Variants in UBP1 observed in about 807,000 individuals in gnomAD.
UBP1 encodes upstream binding protein 1.
A neutral mutation model predicts 76.1 loss-of-function variants in UBP1; 22 were observed. The ratio of observed to expected loss-of-function variants is 0.29; its 90% CI spans 0.21 to 0.41. UBP1 has a LOEUF of 0.41. Among genes scored for constraint, UBP1 ranks in the 10% least tolerant of loss-of-function variants. UBP1 has a pLI of 1.00. For synonymous variants in UBP1, 224 were observed against 237.1 expected, an observed-to-expected ratio of 0.94 and a Z score of 0.51; for missense variants, 436 against 668.1, an observed-to-expected ratio of 0.65 and a Z score of 3.83.
At chr3:33,403,034 T>C (rs1241436944) in intron 8 of UBP1, 130 bp from the exon 9 acceptor site, 3 of 794,812 alleles carry the variant, frequency 3.8e-6, no homozygotes, top group East Asian at 5.7e-5. Context: ...TCAAGCAACC[T>C]CACAGACACA....
intron 11 of UBP1, among the ~76,000 whole-genome samples, chr3:33,399,933 C>T (rs561441476): frequency 2.6e-5 from 4 of 152,076 alleles, no homozygotes; most frequent in Non-Finnish European, 2.9e-5. Context: ...ACTATATACA[C>T]CTACACACAA....
chr3:33,412,926 C>T, intron 3 of UBP1, 99 bp from the exon 4 acceptor site: 1 of 749,922 alleles, frequency 1.3e-6, no homozygotes, highest in Non-Finnish European at 2.4e-6. Context: ...CAGTAGAACA[C>T]ATACAACTAG....
rs750484076 is a variant in UBP1 at position 33,401,028 on chromosome 3, GGAGA to G, written c.1032-16_1032-13del. ...GGGAAGAAGAATTGCTGGGGAGAAA[GGAGA>G]AAGAAGGAAATGATGATTTTTATAA... On this transcript the variant is annotated splice_polypyrimidine_tract_variant and intron_variant, in intron 9 of 15. Coordinates refer to ENST00000283629, the MANE Select transcript of UBP1 (RefSeq NM_014517.5). 6.3e-7 allele frequency: 1 copy of G among 1,581,866 alleles called. No individual in the cohort carries two copies. The highest frequency in any genetic ancestry group is 8.6e-7 in the Non-Finnish European group (1 of 1,167,718).
At chr3:33,410,182 A>G (rs1030248725) in intron 5 of UBP1, among the ~76,000 whole-genome samples, 2 of 152,244 alleles carry the variant, frequency 1.3e-5, no homozygotes, top group African/African-American at 4.8e-5. Context: ...TTCAGGATCC[A>G]GAGGGCAATA....
At chr3:33,396,666 A>T (rs543936802) in intron 12 of UBP1, 131 of 412,352 alleles carry the variant, frequency 3.2e-4, no homozygotes, top group African/African-American at 2.3e-3. Context: ...TGTCATTTTA[A>T]TTCACAATTA....
At chr3:33,418,493 G>A (rs1218387667) in intron 2 of UBP1, among the ~76,000 whole-genome samples, 2 of 151,778 alleles carry the variant, frequency 1.3e-5, no homozygotes, top group Non-Finnish European at 2.9e-5. Flanking sequence ...TCCTGACCTC[G>A]GGTGATTCAC....
chr3:33,423,548 G>C (rs1395213825), intron 2 of UBP1, among the ~76,000 whole-genome samples: 1 of 152,174 alleles, frequency 6.6e-6, no homozygotes, highest in Non-Finnish European at 1.5e-5. Flanking sequence ...ATATTCAAGT[G>C]AGGTATCACC....
chr3:33,427,794 G>A (rs1329640633), intron 1 of UBP1, among the ~76,000 whole-genome samples: 2 of 152,182 alleles, frequency 1.3e-5, no homozygotes, highest in South Asian at 2.1e-4. Context: ...AGGATCACAC[G>A]GTTAGCAATG....
chr3:33,405,982 T>C (rs570722317), intron 8 of UBP1, among the ~76,000 whole-genome samples: 98 of 152,340 alleles, frequency 6.4e-4, no homozygotes, highest in Non-Finnish European at 1.2e-3. Flanking sequence ...GATTGCAGAC[T>C]TATTACTTCT....
intron 11 of UBP1, among the ~76,000 whole-genome samples, chr3:33,398,788 C>T (rs1192818335): frequency 6.6e-6 from 1 of 152,230 alleles, no homozygotes; most frequent in Non-Finnish European, 1.5e-5. Flanking sequence ...CCTTCAGTTC[C>T]AAATGTCGGC....
chr3:33,418,611 C>A (rs1222801562), intron 2 of UBP1, among the ~76,000 whole-genome samples: 1 of 151,792 alleles, frequency 6.6e-6, no homozygotes, highest in Non-Finnish European at 1.5e-5. Context: ...GTAATCCCAG[C>A]ACTTTGGGAG....
At chr3:33,434,682 C>CTTTTTT (rs10709462) in intron 1 of UBP1, among the ~76,000 whole-genome samples, 22 of 87,718 alleles carry the variant, frequency 2.5e-4, no homozygotes, top group Non-Finnish European at 3.4e-4. Context: ...AATGGTTTTA[C>CTTTTTT]TTTTTTTTTT....
intron 1 of UBP1, among the ~76,000 whole-genome samples, chr3:33,430,699 A>C (rs978635378): frequency 1.0e-4 from 15 of 150,236 alleles, no homozygotes; most frequent in African/African-American, 3.6e-4. Flanking sequence ...CGGAAAATTG[A>C]AAGAGCGGGA....
rs2045271161 is a variant in UBP1, at chr3:33,440,216, C to CG, written c.-369dup. The stretch of plus-strand genomic sequence containing the variant: ...CCGGGACCGCTGGGAGGCTGGACCT[C>CG]GGGCCGCTCCGAGGACCACACGGGG... On this transcript the variant is annotated 5_prime_UTR_variant, in exon 1 of 16. Coordinates refer to ENST00000283629, the MANE Select transcript of UBP1 (RefSeq NM_014517.5). The CG allele has an allele frequency of 6.4e-6, 1 of 156,204 alleles. No individual in the cohort carries two copies. Among genetic ancestry groups the CG allele is most frequent in the South Asian group, 1.8e-4 (1 of 5,600 alleles). The allele number at this position is 156,204 out of a possible 1,614,324, so 9.7% of individuals were successfully genotyped here. A position where few individuals can be genotyped will look rare whatever the true frequency, so the allele number is the denominator to read the frequency against.
chr3:33,412,581 CAAAA>C (rs35702863), intron 4 of UBP1, 137 bp downstream of exon 4: 908 of 498,966 alleles, frequency 1.8e-3, no homozygotes, highest in South Asian at 3.0e-3. Flanking sequence ...GGCTCTGTCT[CAAAA>C]AAAAAAAAAA....
At chr3:33,397,698 CAGA>C (rs2044061494) in intron 11 of UBP1, 1 of 152,060 alleles carries the variant, frequency 6.6e-6, no homozygotes, top group Non-Finnish European at 1.5e-5. Flanking sequence ...CTAATTTTAA[CAGA>C]AGAATGGCAG....
rs2043612293 is a variant in UBP1 at position 33,388,568 on chromosome 3, T to C, written c.*1763A>G. ...AATAAGCACACAGCATTAAATGACA[T>C]TTATTGTTCCATAAATCTTGAGACC... On this transcript the variant is annotated 3_prime_UTR_variant, in exon 16 of 16. Coordinates refer to ENST00000283629, the MANE Select transcript of UBP1 (RefSeq NM_014517.5). 6.6e-6 allele frequency: 1 copy of C among 152,544 alleles called. No homozygotes were observed. The highest frequency in any genetic ancestry group is 6.5e-5 in the Admixed American group (1 of 15,278). 9.4% of individuals were successfully genotyped at this position (152,544 alleles called of 1,614,324 possible). A position where few individuals can be genotyped will look rare whatever the true frequency, so the allele number is the denominator to read the frequency against.
rs140247034 is a variant in UBP1, at chr3:33,411,590, A to G, written c.546T>C (p.Ala182=). Residue 182 remains alanine (A), a synonymous_variant, in exon 5 of 16, where the codon GCT becomes GCC. Transcript: ENST00000283629. ...ATGTAAAAATCCAAACCTGAATGAA[A>G]GCAGAGGTGCGTTTTGCTGGGTCCC... ...FLWDPAKRTS[A]FIQVHCISTE... The G allele has an allele frequency of 2.6e-5, 42 of 1,613,980 alleles. No homozygotes were observed. The African/African-American group carries it at 4.9e-4, about 19-fold the overall frequency.
chr3:33,412,336 G>GA (rs2044608255), intron 4 of UBP1, among the ~76,000 whole-genome samples: 1 of 151,462 alleles, frequency 6.6e-6, no homozygotes, highest in Non-Finnish European at 1.5e-5. Flanking sequence ...ACGAGGATGG[G>GA]AAAAAAATAA....
Sources: allele counts gnomAD v4.1 joint callset (sites outside exome capture counted in the v4.1 genomes callset), GRCh38; gene constraint gnomAD v4.1.1; transcripts MANE v1.5; gene names NCBI Gene and HGNC (gene_info 2026-07-23, HGNC 2026-07-21).